STK11IP: variants seen among roughly 807,000 people sequenced by gnomAD.
STK11IP encodes serine/threonine-protein kinase 11-interacting protein.
A neutral mutation model predicts 131.7 loss-of-function variants in STK11IP; 103 were observed. That is an observed-to-expected ratio of 0.78 (90% CI 0.67 to 0.92). STK11IP has a LOEUF of 0.92. Ranked by LOEUF, STK11IP falls within the 40% of genes least tolerant of loss-of-function variation. The pLI, the probability that STK11IP is intolerant of heterozygous loss-of-function variation, is 0.00. For missense variants in STK11IP, 1,315 were observed against 1,385.7 expected, an observed-to-expected ratio of 0.95 and a Z score of 0.81; for synonymous variants, 557 against 575.6, an observed-to-expected ratio of 0.97 and a Z score of 0.46.
chr2:219,606,992 C>G (rs1338998119), intron 12 of STK11IP, 61 bp from the exon 13 acceptor site: 9 of 1,608,712 alleles, frequency 5.6e-6, no homozygotes, highest in Admixed American at 3.3e-5. Context: ...GGATGGCCAG[C>G]CGTGGATGGC....
At chr2:219,599,182 G>A (rs1023641758) in intron 2 of STK11IP, among the ~76,000 whole-genome samples, 3 of 152,046 alleles carry the variant, frequency 2.0e-5, no homozygotes, top group Non-Finnish European at 2.9e-5. Flanking sequence ...TCCACCTCCT[G>A]GGACGAAGTG....
At chr2:219,600,041 G>GTGT in intron 2 of STK11IP, among the ~76,000 whole-genome samples, 1 of 91,970 alleles carries the variant, frequency 1.1e-5, no homozygotes, top group African/African-American at 4.1e-5. Flanking sequence ...TGCCCTTTGT[G>GTGT]TTTTTTTTTT....
At chr2:219,613,654 G>C in intron 20 of STK11IP, 98 bp from the exon 21 acceptor site, 2 of 1,403,542 alleles carry the variant, frequency 1.4e-6, no homozygotes, top group South Asian at 2.3e-5. Context: ...GCACGGGGGT[G>C]ATGCAGTGAG....
Position 219,608,272 on chromosome 2 carries a change from C to T in STK11IP, c.1445C>T (p.Ser482Leu). ...GAGGAAGCCAGAGGCCCCCAGGAGT[C>T]ACCACAGAAAATGTCAGAGGAGGTC... The part of the protein sequence containing the change: ...PQEEARGPQE[S>L]PQKMSEEVRA... The change falls in exon 14 of 25, where the codon TCA becomes TTA. Residue 482 changes from serine (S) to leucine (L), a missense_variant. Coordinates refer to ENST00000456909, the MANE Select transcript of STK11IP (RefSeq NM_052902.4). 6.2e-7 allele frequency: 1 copy of T among 1,613,180 alleles called. No homozygotes were observed. Among genetic ancestry groups the T allele is most frequent in the Non-Finnish European group, 8.5e-7 (1 of 1,179,742 alleles).
At chr2:219,608,913 T>G in intron 15 of STK11IP, 125 bp downstream of exon 15, 1 of 1,227,130 alleles carries the variant, frequency 8.1e-7, no homozygotes, top group Non-Finnish European at 1.1e-6. Context: ...GAGGGGAGCC[T>G]CAGAGGTTGC....
chr2:219,606,454 C>T (rs1164207387), intron 10 of STK11IP, 22 bp from the exon 11 acceptor site: 1 of 1,608,458 alleles, frequency 6.2e-7, no homozygotes, highest in Admixed American at 1.7e-5. Context: ...CATACTCCCT[C>T]CCCCTTTTTG....
At chr2:219,611,506 A>G (rs1018480064) in intron 17 of STK11IP, 98 bp from the exon 18 acceptor site, 44 of 1,057,518 alleles carry the variant, frequency 4.2e-5, no homozygotes, top group Non-Finnish European at 6.0e-5. Context: ...GCTTGGGCTC[A>G]GGGGAGACCT....
In STK11IP at chr2:219,616,131, G is replaced by A. The variant is rs748510870; in HGVS notation, c.3205G>A (p.Glu1069Lys). 2 of 1,613,868 alleles carry A rather than the reference G, an allele frequency of 1.2e-6. No individual in the cohort carries two copies. The highest frequency in any genetic ancestry group is 1.7e-6 in the Non-Finnish European group (2 of 1,179,890). ...ALLAWIREPW[E>K]ELFSIGLRTV... ...GCTTGCCTGGATCCGGGAACCATGG[G>A]AGGAGCTGTTTTCCATCGGACTCCG... The change falls in exon 25 of 25, where the codon GAG (glutamate) becomes AAG (lysine). Residue 1069 changes from glutamate (E) to lysine (K), a missense_variant. Coordinates refer to ENST00000456909, the MANE Select transcript of STK11IP (RefSeq NM_052902.4).
chr2:219,607,050 C>T lies in STK11IP; in HGVS notation c.1135-3C>T, dbSNP rs1698191859. The T allele has an allele frequency of 1.2e-6, 2 of 1,613,882 alleles. No homozygotes were observed. The highest frequency in any genetic ancestry group is 1.7e-6 in the Non-Finnish European group (2 of 1,179,888). ...CAGAACTTCTTCCCTCCACCAACCT[C>T]AGAGCCGAGTCCGTGTGAGGCGGGC... On this transcript the variant is annotated splice_region_variant and splice_polypyrimidine_tract_variant and intron_variant, in intron 12 of 24. Transcript: ENST00000456909.
At chr2:219,614,991 A>G in intron 23 of STK11IP, 103 bp from the exon 24 acceptor site, 1 of 1,372,856 alleles carries the variant, frequency 7.3e-7, no homozygotes, top group African/African-American at 1.4e-5. Flanking sequence ...GACCCACCTC[A>G]GAGTGTGGTT....
At chr2:219,602,331 G>A (rs1698014193) in intron 5 of STK11IP, 137 bp from the exon 6 acceptor site, 7 of 702,726 alleles carry the variant, frequency 1.0e-5, no homozygotes, top group Non-Finnish European at 2.4e-6. Flanking sequence ...TTGGGTCAGG[G>A]ACCTGGGCTT....
At chr2:219,614,940 G>C (rs994173598) in intron 23 of STK11IP, 154 bp from the exon 24 acceptor site, 2 of 890,190 alleles carry the variant, frequency 2.2e-6, no homozygotes, top group Admixed American at 2.8e-5. Flanking sequence ...TGGAGCTTGG[G>C]AAAGGGAGGG....
At chr2:219,608,921 T>C in intron 15 of STK11IP, 133 bp downstream of exon 15, 1 of 1,169,044 alleles carries the variant, frequency 8.6e-7, no homozygotes, top group Non-Finnish European at 1.2e-6. Context: ...CCTCAGAGGT[T>C]GCAAGCACTC....
chr2:219,607,965 A>G (rs1698247186), intron 13 of STK11IP, 82 bp from the exon 14 acceptor site: 3 of 1,536,116 alleles, frequency 2.0e-6, no homozygotes, highest in Non-Finnish European at 1.8e-6. Flanking sequence ...TCGCCCCCTC[A>G]TCGCTGAGGA....
At chr2:219,600,214 C>G (rs546466247) in intron 2 of STK11IP, among the ~76,000 whole-genome samples, 4 of 151,968 alleles carry the variant, frequency 2.6e-5, no homozygotes. Flanking sequence ...AGGCGCATGT[C>G]GCAATGCCCA....
intron 2 of STK11IP, among the ~76,000 whole-genome samples, chr2:219,599,271 T>C (rs1267101295): frequency 6.6e-6 from 1 of 152,110 alleles, no homozygotes; most frequent in Non-Finnish European, 1.5e-5. Flanking sequence ...GTATTTTTAG[T>C]AGAGACGGGG....
Position 219,600,064 on chromosome 2 carries a change from T to TG in STK11IP, c.62-1171_62-1170insG, listed in dbSNP as rs1211660112. Among the ~76,000 whole-genome samples the TG allele has an allele frequency of 2.1e-4, 27 of 128,576 alleles. No individual in the cohort carries two copies. In the South Asian group the frequency reaches 2.8e-3, roughly 13 times the overall value. The allele number at this position is 128,576 out of a possible 152,430, so 84.4% of individuals were successfully genotyped here. A position where few individuals can be genotyped will look rare whatever the true frequency, so the allele number is the denominator to read the frequency against. ...GTGTTTTTTTTTTTGTTTTTGTTTT[T>TG]TTTTTTTTTTTTTTTTGAGATGGAG... On this transcript the variant is annotated intron_variant, in intron 2 of 24. Coordinates refer to ENST00000456909, the MANE Select transcript of STK11IP (RefSeq NM_052902.4).
chr2:219,612,983 C>G, intron 19 of STK11IP, 145 bp from the exon 20 acceptor site: 1 of 627,074 alleles, frequency 1.6e-6, no homozygotes, highest in Non-Finnish European at 2.9e-6. Context: ...AAGAGGCTGT[C>G]GAGTGTGAGG....
chr2:219,598,394 G>A (rs1697870363), intron 2 of STK11IP: 1 of 482,866 alleles, frequency 2.1e-6, no homozygotes, highest in Non-Finnish European at 3.6e-6. Flanking sequence ...GCCAAAGGGC[G>A]GTATCCCTCC....
Sources: allele counts gnomAD v4.1 joint callset (sites outside exome capture counted in the v4.1 genomes callset), GRCh38; gene constraint gnomAD v4.1.1; transcripts MANE v1.5; gene names NCBI Gene and HGNC (gene_info 2026-07-23, HGNC 2026-07-21).